Variants in RNF169 observed in about 807,000 individuals in gnomAD.
RNF169 encodes E3 ubiquitin-protein ligase RNF169.
In RNF169, 24 loss-of-function variants were observed where a neutral mutation model predicts 53.9. The ratio of observed to expected loss-of-function variants is 0.45; its 90% confidence interval spans 0.32 to 0.63. The LOEUF is 0.63. RNF169 is among the 20% of genes least tolerant of loss of function. The pLI, the probability that RNF169 is intolerant of heterozygous loss-of-function variation, is 0.04. For missense variants in RNF169, 883 were observed against 906.2 expected (o/e 0.97, Z 0.33); for synonymous variants, 396 against 363.5 (o/e 1.09, Z -1.02).
At chr11:74,758,659 G>A (rs1591386405) in intron 1 of RNF169, among the ~76,000 whole-genome samples, 1 of 151,990 alleles carries the variant, frequency 6.6e-6, no homozygotes, top group East Asian at 1.9e-4. Flanking sequence ...CCGCCACTAC[G>A]CCCGGCTAAT....
At chr11:74,809,908 T>C (rs1410375020) in intron 2 of RNF169, among the ~76,000 whole-genome samples, 1 of 152,258 alleles carries the variant, frequency 6.6e-6, no homozygotes, top group Non-Finnish European at 1.5e-5. Flanking sequence ...TATGTGACTA[T>C]ACTTTATTTT....
At chr11:74,773,845 G>A (rs915468027) in intron 1 of RNF169, among the ~76,000 whole-genome samples, 1 of 152,114 alleles carries the variant, frequency 6.6e-6, no homozygotes, top group African/African-American at 2.4e-5. Flanking sequence ...GAGCTATTTT[G>A]CAGAGTTGTG....
Position 74,821,193 on chromosome 11 carries a change from T to A in RNF169, c.842+3479T>A, listed in dbSNP as rs571193753. 3.7e-4 allele frequency among the ~76,000 whole-genome samples: 57 copies of A among 152,278 alleles called. No homozygotes were observed. The South Asian group carries it at 0.01, about 27-fold the overall frequency. On this transcript the variant is annotated intron_variant, in intron 4 of 5. Coordinates refer to ENST00000299563, the MANE Select transcript of RNF169 (RefSeq NM_001098638.2). ...AGAAGGCTGCTCTCCTTCCATTTTT[T>A]AAAAAAATAATTTATACCCTCCATT...
At position 74,810,283 on chromosome 11, in the gene RNF169, C is replaced by A. The variant is rs760726925; in HGVS notation, c.676C>A (p.Gln226Lys). ...AACAGGGAAAAGGAAAATGGATGAA[C>A]AGAAAAAAAGAGATGAACCATTAGT... Reference protein sequence around the residue: ...TETGKRKMDEQKKRDEPLVLK... With the variant: ...TETGKRKMDEKKKRDEPLVLK... The change falls in exon 3 of 6, where the codon CAG (glutamine) becomes AAG (lysine). Residue 226 changes from glutamine (Q) to lysine (K), a missense_variant. Gln to Lys is a moderately conservative substitution (Grantham distance 53). This residue lies in a region of RNF169 where 219 missense variants were observed against 289.1 expected (regional missense o/e 0.76). Transcript: ENST00000299563. 1.9e-6 allele frequency: 3 copies of A among 1,613,142 alleles called. No individual in the cohort carries two copies.
rs530760535 is a variant in RNF169, at chr11:74,785,918, G to A, written c.503-3708G>A. Among the ~76,000 whole-genome samples the A allele has an allele frequency of 2.0e-5, 3 of 151,312 alleles. No individual in the cohort carries two copies. In the South Asian group the frequency reaches 6.3e-4, roughly 32 times the overall value. ...TGTAATATATGTATCAAAGTAGTTG[G>A]AACATTATCTTTGTTTTCTTTTCTT... On this transcript the variant is annotated intron_variant, in intron 1 of 5. Coordinates refer to ENST00000299563, the MANE Select transcript of RNF169 (RefSeq NM_001098638.2).
rs2135181284 is a variant in RNF169 at position 74,841,171 on chromosome 11, G to A, written c.*4441G>A. 6.6e-6 allele frequency: 1 copy of A among 152,192 alleles called. No homozygotes were observed. The allele number at this position is 152,192 out of a possible 1,614,324, so 9.4% of individuals were successfully genotyped here. ...GCTAGCCAAATTTTCTTTAAAAATT[G>A]GAAACTCATTATGGTCTTAAATTGT... On this transcript the variant is annotated 3_prime_UTR_variant, in exon 6 of 6. Coordinates refer to ENST00000299563, the MANE Select transcript of RNF169 (RefSeq NM_001098638.2).
At chr11:74,773,872 A>G (rs1418199307) in intron 1 of RNF169, among the ~76,000 whole-genome samples, 1 of 152,184 alleles carries the variant, frequency 6.6e-6, no homozygotes, top group African/African-American at 2.4e-5. Flanking sequence ...AAATGAAATG[A>G]TATGTGTAAA....
chr11:74,830,647 C>G (rs1259034500), intron 4 of RNF169: 1 of 151,836 alleles, frequency 6.6e-6, no homozygotes, highest in Non-Finnish European at 1.5e-5. Flanking sequence ...TCACACTCTC[C>G]CAAAAATTAA....
At chr11:74,764,711 G>C (rs474431) in intron 1 of RNF169, among the ~76,000 whole-genome samples, 1 of 151,972 alleles carries the variant, frequency 6.6e-6, no homozygotes, top group Admixed American at 6.5e-5. Context: ...GACTAAGCCA[G>C]TGTTGACTGT....
At position 74,840,458 on chromosome 11, in the gene RNF169, C is replaced by T. The variant is rs953700608; in HGVS notation, c.*3728C>T. 1.7e-4 allele frequency: 26 copies of T among 152,310 alleles called. No homozygotes were observed. The highest frequency in any genetic ancestry group is 6.0e-4 in the African/African-American group (25 of 41,566). The allele number at this position is 152,310 out of a possible 1,614,324, so 9.4% of individuals were successfully genotyped here. ...TTATGGAAGGAGAATGAATTTTCTCCTCTAGTGATTACAGGACATTAACAT... is the reference window on the plus strand; with the variant it reads ...TTATGGAAGGAGAATGAATTTTCTCTTCTAGTGATTACAGGACATTAACAT... On this transcript the variant is annotated 3_prime_UTR_variant, in exon 6 of 6. Coordinates refer to ENST00000299563, the MANE Select transcript of RNF169 (RefSeq NM_001098638.2).
chr11:74,841,226 T>C lies in RNF169; in HGVS notation c.*4496T>C, dbSNP rs1565194733. The C allele has an allele frequency of 1.3e-5, 2 of 152,194 alleles. No homozygotes were observed. Among genetic ancestry groups the C allele is most frequent in the Non-Finnish European group, 2.9e-5 (2 of 68,018 alleles). 9.4% of individuals were successfully genotyped at this position (152,194 alleles called of 1,614,324 possible). A position where few individuals can be genotyped will look rare whatever the true frequency, so the allele number is the denominator to read the frequency against. ...AGGCAGCCTTTTCCTCATCAACCCATAGAGTGGTCTTTTGAACTGGTATCT... is the reference window on the plus strand; with the variant it reads ...AGGCAGCCTTTTCCTCATCAACCCACAGAGTGGTCTTTTGAACTGGTATCT... On this transcript the variant is annotated 3_prime_UTR_variant, in exon 6 of 6. Transcript: ENST00000299563.
At chr11:74,753,248 G>A (rs1202267350) in intron 1 of RNF169, among the ~76,000 whole-genome samples, 3 of 152,056 alleles carry the variant, frequency 2.0e-5, no homozygotes, top group Admixed American at 1.3e-4. Context: ...GATTACAGGC[G>A]GTGAGCCACC....
At chr11:74,774,294 C>T (rs1481349872) in intron 1 of RNF169, among the ~76,000 whole-genome samples, 1 of 150,210 alleles carries the variant, frequency 6.7e-6, no homozygotes, top group Non-Finnish European at 1.5e-5. Context: ...TGCAGTGAGC[C>T]GAGATGACAC....
At chr11:74,812,985 T>C (rs1195101529) in intron 3 of RNF169, among the ~76,000 whole-genome samples, 1 of 152,262 alleles carries the variant, frequency 6.6e-6, no homozygotes, top group Admixed American at 6.5e-5. Context: ...TTTCAAGGTC[T>C]TTGCTCTTGC....
At chr11:74,833,243 G>GA (rs2036205829) in intron 4 of RNF169, among the ~76,000 whole-genome samples, 2 of 152,184 alleles carry the variant, frequency 1.3e-5, no homozygotes, top group East Asian at 3.8e-4. Context: ...GGCACCTTGG[G>GA]AAGGTACCTT....
chr11:74,778,029 C>T (rs1397024215), intron 1 of RNF169, among the ~76,000 whole-genome samples: 1 of 152,188 alleles, frequency 6.6e-6, no homozygotes. Flanking sequence ...ATTGCCTCTC[C>T]TTCCCAGCCC....
In RNF169 at chr11:74,820,555, T is replaced by C. The variant is rs180913980; in HGVS notation, c.842+2841T>C. On this transcript the variant is annotated intron_variant, in intron 4 of 5. Transcript: ENST00000299563. ...CAGTGGCTTGAGGGAGAGGAGATTA[T>C]GAGAAGATGATGAAGCAGTGAGTTG... is the stretch of plus-strand genomic sequence containing the variant. 4.3e-4 allele frequency among the ~76,000 whole-genome samples: 66 copies of C among 152,120 alleles called. 1 individual carries two copies. The highest frequency in any genetic ancestry group is 1.6e-3 in the African/African-American group (65 of 41,474).
Position 74,837,418 on chromosome 11 carries a change from TCAACTAC to T in RNF169, c.*692_*698del, listed in dbSNP as rs1352073180. On this transcript the variant is annotated 3_prime_UTR_variant, in exon 6 of 6. Coordinates refer to ENST00000299563, the MANE Select transcript of RNF169 (RefSeq NM_001098638.2). ...CTGCAGTGCAGATGTTCTGGTTCTCTCAACTACCAAGTGGCATAACCCATGGATTTTC... is the reference window on the plus strand; with the variant it reads ...CTGCAGTGCAGATGTTCTGGTTCTCTCAAGTGGCATAACCCATGGATTTTC... 2 of 152,390 alleles carry T rather than the reference TCAACTAC, an allele frequency of 1.3e-5. No individual in the cohort carries two copies. The highest frequency in any genetic ancestry group is 3.9e-4 in the East Asian group (2 of 5,190). The allele number at this position is 152,390 out of a possible 1,614,324, so 9.4% of individuals were successfully genotyped here. A position where few individuals can be genotyped will look rare whatever the true frequency, so the allele number is the denominator to read the frequency against.
intron 4 of RNF169, among the ~76,000 whole-genome samples, chr11:74,818,935 T>C (rs765202936): frequency 2.0e-5 from 3 of 152,222 alleles, no homozygotes; most frequent in Non-Finnish European, 4.4e-5. Flanking sequence ...TAATTTCTGC[T>C]CTACCCTTCT....
Sources: allele counts gnomAD v4.1 joint callset (sites outside exome capture counted in the v4.1 genomes callset), GRCh38; gene constraint gnomAD v4.1.1; regional missense constraint gnomAD v4.1.1; transcripts MANE v1.5; gene names NCBI Gene and HGNC (gene_info 2026-07-23, HGNC 2026-07-21).